The following ERO1A variants were observed in gnomAD, a reference collection of about 807,000 sequenced individuals.
ERO1A encodes the protein endoplasmic reticulum oxidoreductase 1 alpha, also known as ERO1-like protein alpha.
ERO1A carries 49 observed loss-of-function variants against 76.9 expected under a neutral mutation model. The observed-to-expected ratio is 0.64, with a 90% CI of 0.51 to 0.81. ERO1A has a LOEUF of 0.81. Among genes scored for constraint, ERO1A ranks in the 30% least tolerant of loss-of-function variants. The pLI is 0.00. For missense variants in ERO1A, 448 were observed against 542.1 expected, an observed-to-expected ratio of 0.83 and a Z score of 1.72; for synonymous variants, 174 against 181.2, an observed-to-expected ratio of 0.96 and a Z score of 0.32.
At chr14:52,694,855 C>G (rs2041493781) in intron 1 of ERO1A, among the ~76,000 whole-genome samples, 1 of 152,186 alleles carries the variant, frequency 6.6e-6, no homozygotes, top group Non-Finnish European at 1.5e-5. Flanking sequence ...CCAAAGACAT[C>G]AGGTAGTTGG....
chr14:52,683,254 T>C (rs2041061091), intron 2 of ERO1A, among the ~76,000 whole-genome samples: 1 of 151,020 alleles, frequency 6.6e-6, no homozygotes, highest in Non-Finnish European at 1.5e-5. Context: ...CCTGAACAGA[T>C]GGCAACTAGG....
chr14:52,655,648 T>C (rs2040018883), intron 11 of ERO1A, among the ~76,000 whole-genome samples: 1 of 152,082 alleles, frequency 6.6e-6, no homozygotes, highest in Non-Finnish European at 1.5e-5. Context: ...ACTCTTATTT[T>C]ATGTGATTTT....
At chr14:52,644,160 A>C (rs1342615017) in intron 15 of ERO1A, among the ~76,000 whole-genome samples, 1 of 152,022 alleles carries the variant, frequency 6.6e-6, no homozygotes, top group Non-Finnish European at 1.5e-5. Context: ...AATTCTTTTA[A>C]ATAAATAAAA....
chr14:52,663,709 A>G (rs1401747049), intron 8 of ERO1A, 92 bp downstream of exon 8: 1 of 761,448 alleles, frequency 1.3e-6, no homozygotes, highest in African/African-American at 1.7e-5. Flanking sequence ...ATATGACTTC[A>G]ACTGTTACTG....
chr14:52,656,800 G>A (rs886522180), intron 11 of ERO1A, among the ~76,000 whole-genome samples: 2 of 151,878 alleles, frequency 1.3e-5, no homozygotes, highest in Non-Finnish European at 2.9e-5. Flanking sequence ...GTAGCTCACG[G>A]CTATAATCCC....
In ERO1A at chr14:52,695,353, G is replaced by C. The variant is rs749113229; in HGVS notation, c.114+15C>G. 3.5e-5 allele frequency: 50 copies of C among 1,421,334 alleles called. 1 individual carries two copies. The Middle Eastern group carries it at 1.3e-3, about 38-fold the overall frequency. The allele number at this position is 1,421,334 out of a possible 1,614,324, so 88.0% of individuals were successfully genotyped here. ...GGGCGCCGGGACCCTCAGCACCAACGCGCACATCGCTCACCTGGCAGAAGC... is the reference window on the plus strand; with the variant it reads ...GGGCGCCGGGACCCTCAGCACCAACCCGCACATCGCTCACCTGGCAGAAGC... On this transcript the variant is annotated intron_variant, in intron 1 of 15. Transcript: ENST00000395686.
Position 52,695,422 on chromosome 14 carries a change from C to T in ERO1A, c.60G>A (p.Ser20=), listed in dbSNP as rs2041523336. Residue 20 remains serine, a synonymous_variant, in exon 1 of 16, where the codon TCG becomes TCA. Transcript: ENST00000395686. Reference sequence around the variant, plus strand: ...CCGGGGGCTGCTCCTCTCCGTGGCCCGAGCTGAGCAGCCACACGGCGCCCA... The same window carrying T: ...CCGGGGGCTGCTCCTCTCCGTGGCCTGAGCTGAGCAGCCACACGGCGCCCA... ...GLLGAVWLLS[S]GHGEEQPPET... is the part of the protein sequence containing the mutation. 3 of 1,551,752 alleles carry T rather than the reference C, an allele frequency of 1.9e-6. No homozygotes were observed. The highest frequency in any genetic ancestry group is 2.6e-6 in the Non-Finnish European group (3 of 1,148,912).
Position 52,641,614 on chromosome 14 carries a change from C to CA in ERO1A, c.*1955dup. 6.6e-6 allele frequency: 1 copy of CA among 151,262 alleles called. No homozygotes were observed. The highest frequency in any genetic ancestry group is 1.5e-5 in the Non-Finnish European group (1 of 67,878). The allele number at this position is 151,262 out of a possible 1,614,324, so 9.4% of individuals were successfully genotyped here. On this transcript the variant is annotated 3_prime_UTR_variant, in exon 16 of 16. Coordinates refer to ENST00000395686, the MANE Select transcript of ERO1A (RefSeq NM_014584.3). ...GGGCGACACAGCAAGACTCCGTCTC[C>CA]AAAAAATAAAAATAAAAAAAGGAAG...
chr14:52,673,365 C>T (rs2040674130), intron 4 of ERO1A, among the ~76,000 whole-genome samples: 1 of 152,220 alleles, frequency 6.6e-6, no homozygotes, highest in Non-Finnish European at 1.5e-5. Context: ...GCTGGGATTA[C>T]AGGCATGAGC....
chr14:52,676,239 T>C lies in ERO1A; in HGVS notation c.357+2195A>G, dbSNP rs962129777. 3.9e-5 allele frequency among the ~76,000 whole-genome samples: 6 copies of C among 152,232 alleles called. No individual in the cohort carries two copies. In the East Asian group the frequency reaches 5.8e-4, roughly 15 times the overall value. On this transcript the variant is annotated intron_variant, in intron 4 of 15. Transcript: ENST00000395686. ...TTTTTATTTCAGCCAAAAGGATTCA[T>C]TGCAAAATAAAAAGAGCATTACCAA...
chr14:52,652,270 G>A lies in ERO1A; in HGVS notation c.1094C>T (p.Ala365Val). The change falls in exon 13 of 16, where the codon GCT becomes GTT. Residue 365 changes from alanine to valine, a missense_variant. Around this residue, in one of 2 missense-constraint regions of ERO1A, gnomAD observed 302 missense variants for 411.9 expected, o/e 0.73. Transcript: ENST00000395686. ...PLHFDENSFF[A>V]GDKKEAHKLK... ...TTTGTGTGCTTCTTTTTTATCCCCA[G>A]CAAAAAATGAATTCTCATCAAAATG... is the stretch of plus-strand genomic sequence containing the variant. The A allele has an allele frequency of 6.2e-7, 1 of 1,609,642 alleles. No individual in the cohort carries two copies. The highest frequency in any genetic ancestry group is 8.5e-7 in the Non-Finnish European group (1 of 1,176,568).
intron 6 of ERO1A, among the ~76,000 whole-genome samples, chr14:52,667,809 T>A (rs980733566): frequency 6.6e-6 from 1 of 152,024 alleles, no homozygotes; most frequent in African/African-American, 2.4e-5. Context: ...AGCTTAACAG[T>A]ATGAGCCAAC....
intron 4 of ERO1A, among the ~76,000 whole-genome samples, chr14:52,677,911 T>C (rs1258209841): frequency 7.5e-6 from 1 of 133,282 alleles, no homozygotes; most frequent in African/African-American, 2.8e-5. Flanking sequence ...CTGAATAACA[T>C]ATGGACTTTC....
intron 1 of ERO1A, among the ~76,000 whole-genome samples, chr14:52,695,066 G>C (rs543093416): frequency 6.6e-6 from 1 of 152,170 alleles, no homozygotes; most frequent in Non-Finnish European, 1.5e-5. Flanking sequence ...ATTATACACT[G>C]TGCACACTCT....
intron 6 of ERO1A, among the ~76,000 whole-genome samples, chr14:52,670,756 T>C (rs1381331970): frequency 2.0e-5 from 3 of 152,220 alleles, no homozygotes; most frequent in Non-Finnish European, 2.9e-5. Context: ...ACAAAATGTA[T>C]ATACAAAATT....
intron 7 of ERO1A, among the ~76,000 whole-genome samples, chr14:52,664,896 T>G (rs2040355856): frequency 6.6e-6 from 1 of 151,532 alleles, no homozygotes; most frequent in Non-Finnish European, 1.5e-5. Flanking sequence ...TTTCACCGCG[T>G]TAGTGAGGAT....
chr14:52,663,359 G>A (rs998088087), intron 8 of ERO1A, among the ~76,000 whole-genome samples: 7 of 151,888 alleles, frequency 4.6e-5, no homozygotes, highest in Non-Finnish European at 1.0e-4. Context: ...CAGCACTTTC[G>A]GAGGCCGAGG....
At chr14:52,668,754 T>G (rs1297633872) in intron 6 of ERO1A, among the ~76,000 whole-genome samples, 1 of 148,546 alleles carries the variant, frequency 6.7e-6, no homozygotes, top group African/African-American at 2.4e-5. Context: ...TATATTATTA[T>G]ATTACAAATC....
chr14:52,677,024 T>C (rs2040808489), intron 4 of ERO1A, among the ~76,000 whole-genome samples: 1 of 152,170 alleles, frequency 6.6e-6, no homozygotes, highest in Admixed American at 6.5e-5. Flanking sequence ...CCAGTTCTGT[T>C]CCAGACAAAC....
Sources: allele counts gnomAD v4.1 joint callset (sites outside exome capture counted in the v4.1 genomes callset), GRCh38; gene constraint gnomAD v4.1.1; regional missense constraint gnomAD v4.1.1; transcripts MANE v1.5; gene names NCBI Gene and HGNC (gene_info 2026-07-23, HGNC 2026-07-21).